Variants in AHNAK observed in about 807,000 individuals in gnomAD.
The protein encoded by AHNAK is AHNAK nucleoprotein, also known as neuroblast differentiation-associated protein AHNAK.
Under a neutral mutation model 37.8 loss-of-function variants are expected in AHNAK, and 23 were observed. The observed-to-expected ratio is 0.61, with a 90% CI of 0.44 to 0.86. The LOEUF (loss-of-function observed/expected upper bound fraction) is 0.86. AHNAK is among the 40% of genes least tolerant of loss of function. AHNAK has a pLI of 0.00. For synonymous variants in AHNAK, 2,481 were observed against 2,636.3 expected (o/e 0.94, Z 1.80); for missense variants, 7,411 against 7,319.4 (o/e 1.01, Z -0.46).
rs1378941725 is a variant in AHNAK, at chr11:62,529,302, G to A, written c.5115C>T (p.Asp1705=). Residue 1705 remains aspartate, a synonymous_variant, in exon 5 of 5, where the codon GAC becomes GAT. Coordinates refer to ENST00000378024, the MANE Select transcript of AHNAK (RefSeq NM_001620.3). The part of the protein sequence containing the change: ...DIDAPDVEVH[D]PDWHLKMPKM... ...TGGGCATTTTCAGGTGCCAATCTGG[G>A]TCGTGAACCTCCACATCTGGGGCAT... 2 of 1,614,068 alleles carry A rather than the reference G, an allele frequency of 1.2e-6. No individual in the cohort carries two copies. The highest frequency in any genetic ancestry group is 1.7e-5 in the Admixed American group (1 of 60,004).
At position 62,531,033 on chromosome 11, in the gene AHNAK, C is replaced by T; in HGVS notation, c.3384G>A (p.Lys1128=). Residue 1128 remains lysine (K), a synonymous_variant, in exon 5 of 5, where the codon AAG becomes AAA. Coordinates refer to ENST00000378024, the MANE Select transcript of AHNAK (RefSeq NM_001620.3). ...GCATGCTGAACTTGGGCATTTTCAT[C>T]TTGGGTATTTTCAGGCTCCAGTCCA... The part of the protein sequence containing the change: ...QGLDWSLKIP[K]MKMPKFSMPS... 6.2e-7 allele frequency: 1 copy of T among 1,613,932 alleles called. No individual in the cohort carries two copies. The highest frequency in any genetic ancestry group is 1.7e-5 in the Admixed American group (1 of 59,996).
chr11:62,528,036 T>C lies in AHNAK; in HGVS notation c.6381A>G (p.Lys2127=). ...CCACATCCCCTTTGACTTTGGGGCC[T>C]TTCAAGTGTAAGTCCACATCAGGCA... ...ISMPDVDLHL[K]GPKVKGDVDV... The change falls in exon 5 of 5, where the codon AAA becomes AAG. Residue 2127 remains lysine (K), a synonymous_variant. Coordinates refer to ENST00000378024, the MANE Select transcript of AHNAK (RefSeq NM_001620.3). The C allele has an allele frequency of 6.2e-7, 1 of 1,613,862 alleles. No individual in the cohort carries two copies. The highest frequency in any genetic ancestry group is 8.5e-7 in the Non-Finnish European group (1 of 1,179,956).
In AHNAK at chr11:62,519,314, T is replaced by A; in HGVS notation, c.15103A>T (p.Ile5035Phe). 1 of 1,614,186 alleles carries A rather than the reference T, an allele frequency of 6.2e-7. No homozygotes were observed. The highest frequency in any genetic ancestry group is 1.1e-5 in the South Asian group (1 of 91,080). The stretch of plus-strand genomic sequence containing the variant: ...TCAAATCCCTGTTTTTTGGCCTTAA[T>A]CTTAGGACCACTCATATGAATTTTA... The part of the protein sequence containing the change: ...MPKIHMSGPK[I>F]KAKKQGFDLN... The change falls in exon 5 of 5, where the codon ATT becomes TTT. Residue 5035 changes from isoleucine to phenylalanine, a missense_variant. By Grantham distance (21) the Ile-to-Phe change is conservative. Coordinates refer to ENST00000378024, the MANE Select transcript of AHNAK (RefSeq NM_001620.3).
chr11:62,495,591 T>G (rs1939592635), intron 4 of AHNAK, among the ~76,000 whole-genome samples: 1 of 142,588 alleles, frequency 7.0e-6, no homozygotes, highest in African/African-American at 2.9e-5. Flanking sequence ...AAAAAAACAT[T>G]AGCTGGGCAT....
At chr11:62,507,800 A>G (rs1324623285) in intron 4 of AHNAK, among the ~76,000 whole-genome samples, 1 of 152,198 alleles carries the variant, frequency 6.6e-6, no homozygotes, top group Admixed American at 6.5e-5. Flanking sequence ...ACAAAAAACA[A>G]AAAACTGAGG....
intron 5 of AHNAK, among the ~76,000 whole-genome samples, chr11:62,435,923 C>T (rs879669546): frequency 1.3e-5 from 2 of 152,122 alleles, no homozygotes; most frequent in African/African-American, 4.8e-5. Flanking sequence ...TACATATGAC[C>T]GCATTTAACT....
intron 5 of AHNAK, among the ~76,000 whole-genome samples, chr11:62,467,595 G>A (rs1231791831): frequency 6.6e-6 from 1 of 152,232 alleles, no homozygotes; most frequent in Non-Finnish European, 1.5e-5. Context: ...TGAGGCAGGA[G>A]AATTGCTTGA....
chr11:62,486,710 A>G (rs1346099118), intron 5 of AHNAK, among the ~76,000 whole-genome samples: 1 of 151,360 alleles, frequency 6.6e-6, no homozygotes, highest in Admixed American at 6.6e-5. Flanking sequence ...CTGTACACCT[A>G]AAAATGGTTA....
At chr11:62,484,036 C>CAA (rs56402861) in intron 5 of AHNAK, among the ~76,000 whole-genome samples, 1,060 of 77,362 alleles carry the variant, frequency 0.014, 24 homozygotes, top group African/African-American at 0.041. Flanking sequence ...GACTCCATCT[C>CAA]AAAAAAAAAA....
chr11:62,523,358 C>A lies in AHNAK; in HGVS notation c.11059G>T (p.Gly3687Cys). 1 of 1,612,672 alleles carries A rather than the reference C, an allele frequency of 6.2e-7. No homozygotes were observed. Among genetic ancestry groups the A allele is most frequent in the Non-Finnish European group, 8.5e-7 (1 of 1,179,522 alleles). ...DLNLKGPKMK[G>C]DVVVSLPKVE... ...TTGGGCAAAGACACAACCACATCACCCTTCATTTTGGGTCCCTTCAAGTTC... is the reference window on the plus strand; with the variant it reads ...TTGGGCAAAGACACAACCACATCACACTTCATTTTGGGTCCCTTCAAGTTC... Residue 3687 changes from glycine to cysteine, a missense_variant, in exon 5 of 5, where the codon GGT becomes TGT. Coordinates refer to ENST00000378024, the MANE Select transcript of AHNAK (RefSeq NM_001620.3).
At chr11:62,515,548 G>A (rs138803995), downstream of AHNAK, among the ~76,000 whole-genome samples, 545 of 152,344 alleles carry the variant, frequency 3.6e-3, 4 homozygotes, top group African/African-American at 0.012. Context: ...ATGGCAGAGC[G>A]GTGATTCACA....
At chr11:62,494,156 A>T (rs996814439) in intron 4 of AHNAK, among the ~76,000 whole-genome samples, 3 of 152,092 alleles carry the variant, frequency 2.0e-5, no homozygotes, top group Non-Finnish European at 4.4e-5. Context: ...AACTGCACAT[A>T]GATTAATCCC....
chr11:62,523,805 TATTC>T lies in AHNAK; in HGVS notation c.10608_10611del (p.Met3536IlefsTer14). ...GGCATGGAGATCTTGGGAGCTTTGA[TATTC>T]ATGTCAGGCATCTTGAATTTGGGAC... On this transcript the variant is annotated frameshift_variant, in exon 5 of 5. Transcript: ENST00000378024. LOFTEE classifies it low-confidence loss of function (END_TRUNC). The T allele has an allele frequency of 6.2e-7, 1 of 1,614,158 alleles. No homozygotes were observed.
At position 62,530,315 on chromosome 11, in the gene AHNAK, C is replaced by A; in HGVS notation, c.4102G>T (p.Ala1368Ser). ...DIKGPKVDIS[A>S]PDVDVHGPDW... ...GGGCCATGAACATCCACATCTGGAG[C>A]ACTAATGTCAACTTTGGGCCCTTTA... Residue 1368 changes from alanine to serine, a missense_variant, in exon 5 of 5, where the codon GCT becomes TCT. Coordinates refer to ENST00000378024, the MANE Select transcript of AHNAK (RefSeq NM_001620.3). 1 of 1,613,256 alleles carries A rather than the reference C, an allele frequency of 6.2e-7. No individual in the cohort carries two copies. Among genetic ancestry groups the A allele is most frequent in the Non-Finnish European group, 8.5e-7 (1 of 1,179,818 alleles).
intron 5 of AHNAK, among the ~76,000 whole-genome samples, chr11:62,465,631 A>C (rs1322491633): frequency 1.3e-5 from 2 of 151,956 alleles, no homozygotes; most frequent in African/African-American, 4.8e-5. Flanking sequence ...TAAATAAATA[A>C]ATAAAAATTA....
At chr11:62,537,713 C>T (rs1029497304) in intron 1 of AHNAK, among the ~76,000 whole-genome samples, 17 of 150,542 alleles carry the variant, frequency 1.1e-4, no homozygotes. Context: ...GACGGAATCT[C>T]ACTTTGTAGC....
intron 5 of AHNAK, among the ~76,000 whole-genome samples, chr11:62,458,941 T>G (rs1938725608): frequency 6.6e-6 from 1 of 152,190 alleles, no homozygotes; most frequent in Admixed American, 6.5e-5. Flanking sequence ...CCTGTCCCAC[T>G]AAGAAAGCTG....
Position 62,519,174 on chromosome 11 carries a change from C to T in AHNAK, c.15243G>A (p.Lys5081=). 6.2e-7 allele frequency: 1 copy of T among 1,613,386 alleles called. No individual in the cohort carries two copies. The highest frequency in any genetic ancestry group is 8.5e-7 in the Non-Finnish European group (1 of 1,179,818). The change falls in exon 5 of 5, where the codon AAG becomes AAA. Residue 5081 remains lysine (K), a synonymous_variant. Transcript: ENST00000378024. ...AGTACATTTTTCCAAACATCGTTTT[C>T]TTGGTTTTGGGCGATTTCACGTCGA... The part of the protein sequence containing the change: ...LKVDVKSPKT[K]KTMFGKMYFP...
At chr11:62,452,235 C>A (rs1938555668) in intron 5 of AHNAK, among the ~76,000 whole-genome samples, 2 of 152,178 alleles carry the variant, frequency 1.3e-5, no homozygotes, top group Admixed American at 1.3e-4. Context: ...TTTGTAATCT[C>A]ATGTTATCCT....
Sources: gnomAD v4.1 joint callset for allele counts (sites outside exome capture counted in the v4.1 genomes callset) on GRCh38, gnomAD v4.1.1 for gene constraint, MANE v1.5 for transcripts, NCBI Gene and HGNC (gene_info 2026-07-23, HGNC 2026-07-21) for gene names.